BRK1: variants seen among roughly 807,000 people sequenced by gnomAD.
BRK1 encodes the protein protein BRICK1.
BRK1 carries 6 observed loss-of-function variants against 9.9 expected under a neutral mutation model. The ratio of observed to expected loss-of-function variants is 0.60; its 90% CI spans 0.33 to 1.19. The LOEUF (loss-of-function observed/expected upper bound fraction) is 1.19. Ranked by LOEUF, BRK1 falls within the 50% of genes most tolerant of loss-of-function variation. The probability of loss-of-function intolerance (pLI) is 0.04; values close to 1 mark genes in which losing one functional copy is unlikely to be tolerated. For missense variants in BRK1, 62 were observed against 97.5 expected (o/e 0.64, Z 1.53); for synonymous variants, 44 against 31.9 (o/e 1.38, Z -1.28).
In BRK1 at chr3:10,123,732, CTTTTTTTTT is replaced by C. The variant is rs71626962; in HGVS notation, c.119-1881_119-1873del. ...ACAGGCCTGAGCCACCGTGCCTGGC[CTTTTTTTTT>C]TTTTTTTTTTTTGAGATGGAGTCTC... is the stretch of plus-strand genomic sequence containing the variant. On this transcript the variant is annotated intron_variant, in intron 1 of 2. Transcript: ENST00000530758. Among the ~76,000 whole-genome samples, 4 of 48,672 alleles carry C rather than the reference CTTTTTTTTT, an allele frequency of 8.2e-5. 1 individual carries two copies. Among genetic ancestry groups the C allele is most frequent in the African/African-American group, 6.0e-4 (4 of 6,678 alleles). 31.9% of individuals were successfully genotyped at this position (48,672 alleles called of 152,430 possible).
chr3:10,121,777 G>C (rs1023724444), intron 1 of BRK1, among the ~76,000 whole-genome samples: 3 of 150,910 alleles, frequency 2.0e-5, no homozygotes, highest in Non-Finnish European at 2.9e-5. Flanking sequence ...TTGTTGTCCA[G>C]GCTGGAGTGC....
intron 1 of BRK1, among the ~76,000 whole-genome samples, chr3:10,119,340 C>T (rs959437115): frequency 6.6e-6 from 1 of 151,916 alleles, no homozygotes; most frequent in Non-Finnish European, 1.5e-5. Flanking sequence ...GCCTGTAATT[C>T]CAAGCTACCT....
At chr3:10,124,319 G>T (rs1480009526) in intron 1 of BRK1, among the ~76,000 whole-genome samples, 2 of 138,578 alleles carry the variant, frequency 1.4e-5, no homozygotes, top group Non-Finnish European at 3.4e-5. Flanking sequence ...AATTAGCTGG[G>T]CATGGTGGCG....
rs1695853338 is a variant in BRK1, at chr3:10,127,141, T to C, written c.*846T>C. 6.6e-6 allele frequency: 1 copy of C among 152,216 alleles called. No homozygotes were observed. Among genetic ancestry groups the C allele is most frequent in the African/African-American group, 2.4e-5 (1 of 41,454 alleles). The allele number at this position is 152,216 out of a possible 1,614,324, so 9.4% of individuals were successfully genotyped here. On this transcript the variant is annotated 3_prime_UTR_variant, in exon 3 of 3. Coordinates refer to ENST00000530758, the MANE Select transcript of BRK1 (RefSeq NM_018462.5). ...TCATTCAGCACATTTACCAAGTATT[T>C]ACTATGTAGGCATGTTAAACTCCAA... is the stretch of plus-strand genomic sequence containing the variant.
chr3:10,122,720 C>T (rs1358184894), intron 1 of BRK1, among the ~76,000 whole-genome samples: 2 of 151,500 alleles, frequency 1.3e-5, no homozygotes, highest in African/African-American at 4.9e-5. Context: ...GACCATGTCT[C>T]TTTTAAAAAA....
At chr3:10,124,298 CAA>C (rs549647243) in intron 1 of BRK1, among the ~76,000 whole-genome samples, 2 of 136,382 alleles carry the variant, frequency 1.5e-5, no homozygotes, top group African/African-American at 2.6e-5. Flanking sequence ...ACTAAAAATA[CAA>C]AAAAAAAAAA....
At position 10,123,478 on chromosome 3, in the gene BRK1, C is replaced by A. The variant is rs375317454; in HGVS notation, c.119-2148C>A. 9.4e-5 allele frequency among the ~76,000 whole-genome samples: 14 copies of A among 148,708 alleles called. 1 individual carries two copies. In the East Asian group the frequency reaches 1.4e-3, roughly 14 times the overall value. ...TGAGACGGAGTCTCACTCTGTTTCC[C>A]AGGCTGGAGTGCAGTGGTGCAATCT... is the stretch of plus-strand genomic sequence containing the variant. On this transcript the variant is annotated intron_variant, in intron 1 of 2. Coordinates refer to ENST00000530758, the MANE Select transcript of BRK1 (RefSeq NM_018462.5).
chr3:10,125,056 G>T (rs1399023933), intron 1 of BRK1, among the ~76,000 whole-genome samples: 1 of 152,176 alleles, frequency 6.6e-6, no homozygotes, highest in Non-Finnish European at 1.5e-5. Context: ...TACCTGCAAA[G>T]CCCTGTTTCC....
At chr3:10,121,891 T>C (rs1041974627) in intron 1 of BRK1, among the ~76,000 whole-genome samples, 4 of 143,380 alleles carry the variant, frequency 2.8e-5, no homozygotes, top group Admixed American at 6.9e-5. Context: ...ACTTTTTTTT[T>C]TTTTTTTTTT....
In BRK1 at chr3:10,115,839, G is replaced by A; in HGVS notation, c.118+20G>A. 2.5e-6 allele frequency: 4 copies of A among 1,598,530 alleles called. No homozygotes were observed. The highest frequency in any genetic ancestry group is 2.6e-6 in the Non-Finnish European group (3 of 1,165,852). On this transcript the variant is annotated intron_variant, in intron 1 of 2. Coordinates refer to ENST00000530758, the MANE Select transcript of BRK1 (RefSeq NM_018462.5). ...CGTTCGGTCAGCGGGCCAGCAAGGG[G>A]AGGCGGGGAGGAGGGAGGCCGCTGA...
intron 1 of BRK1, among the ~76,000 whole-genome samples, chr3:10,116,679 T>C (rs367849115): frequency 3.9e-5 from 6 of 152,272 alleles, no homozygotes; most frequent in African/African-American, 1.4e-4. Context: ...TAGTGTACTT[T>C]GGAAAGATTT....
intron 1 of BRK1, among the ~76,000 whole-genome samples, chr3:10,124,458 C>CAA (rs200771502): frequency 2.8e-5 from 4 of 142,060 alleles, no homozygotes; most frequent in Non-Finnish European, 4.6e-5. Context: ...GACTCCATCT[C>CAA]AAAAAAAAAA....
chr3:10,117,756 G>T (rs1450108798), intron 1 of BRK1, among the ~76,000 whole-genome samples: 1 of 152,124 alleles, frequency 6.6e-6, no homozygotes, highest in Non-Finnish European at 1.5e-5. Context: ...GGAGCCAAAA[G>T]AAATGACTTC....
intron 1 of BRK1, among the ~76,000 whole-genome samples, chr3:10,116,078 A>G (rs1007214793): frequency 6.6e-6 from 1 of 152,008 alleles, no homozygotes; most frequent in African/African-American, 2.4e-5. Flanking sequence ...TCCTTCTCCT[A>G]GACGCGTCAG....
intron 1 of BRK1, among the ~76,000 whole-genome samples, chr3:10,120,395 A>C (rs938303889): frequency 6.6e-6 from 1 of 152,022 alleles, no homozygotes; most frequent in African/African-American, 2.4e-5. Flanking sequence ...GGGTTTTGCC[A>C]TGTTAGCCAG....
In BRK1 at chr3:10,116,722, T is replaced by C. The variant is rs191999258; in HGVS notation, c.118+903T>C. 3.9e-5 allele frequency among the ~76,000 whole-genome samples: 6 copies of C among 152,338 alleles called. No homozygotes were observed. The East Asian group carries it at 5.8e-4, about 15-fold the overall frequency. On this transcript the variant is annotated intron_variant, in intron 1 of 2. Transcript: ENST00000530758. Reference sequence around the variant, plus strand: ...AATGATTCTCTAACTAAAGGACTGATGGCCTTAGGAGTACAAAGGTGACAG... The same window carrying C: ...AATGATTCTCTAACTAAAGGACTGACGGCCTTAGGAGTACAAAGGTGACAG...
At chr3:10,119,300 T>C (rs968135537) in intron 1 of BRK1, among the ~76,000 whole-genome samples, 11 of 151,810 alleles carry the variant, frequency 7.2e-5, no homozygotes, top group African/African-American at 2.2e-4. Context: ...CTATAAAAAA[T>C]ACAAAAATTA....
chr3:10,120,413 T>A (rs1233924172), intron 1 of BRK1, among the ~76,000 whole-genome samples: 1 of 152,186 alleles, frequency 6.6e-6, no homozygotes, highest in Non-Finnish European at 1.5e-5. Context: ...CAGGCTGGTC[T>A]CAAACTCCTG....
intron 1 of BRK1, among the ~76,000 whole-genome samples, chr3:10,119,683 G>A (rs768175088): frequency 5.3e-5 from 8 of 152,128 alleles, no homozygotes; most frequent in Admixed American, 1.3e-4. Flanking sequence ...CATACAAATC[G>A]TAATGTAGCA....
Sources: gnomAD v4.1 joint callset for allele counts (sites outside exome capture counted in the v4.1 genomes callset) on GRCh38, gnomAD v4.1.1 for gene constraint, MANE v1.5 for transcripts, NCBI Gene and HGNC (gene_info 2026-07-23, HGNC 2026-07-21) for gene names.